PLOD1: variants seen among roughly 807,000 people sequenced by gnomAD.
PLOD1 encodes procollagen-lysine,2-oxoglutarate 5-dioxygenase 1, also known as lysine hydroxylase.
PLOD1 carries 70 observed loss-of-function variants against 94.7 expected under a neutral mutation model. The observed-to-expected ratio is 0.74, with a 90% CI of 0.61 to 0.90. The LOEUF (loss-of-function observed/expected upper bound fraction) is 0.90. PLOD1 is among the 40% of genes least tolerant of loss of function. The pLI is 0.00. For missense variants in PLOD1, 905 were observed against 972.7 expected (o/e 0.93, Z 0.93); for synonymous variants, 417 against 400.2 (o/e 1.04, Z -0.50).
Position 11,970,524 on chromosome 1 carries a change from A to C in PLOD1, c.1756-146A>C, listed in dbSNP as rs138924313. The C allele has an allele frequency of 1.4e-4, 111 of 774,742 alleles. No individual in the cohort carries two copies. The African/African-American group carries it at 1.5e-3, about 10-fold the overall frequency. The allele number at this position is 774,742 out of a possible 1,614,324, so 48.0% of individuals were successfully genotyped here. A position where few individuals can be genotyped will look rare whatever the true frequency, so the allele number is the denominator to read the frequency against. On this transcript the variant is annotated intron_variant, in intron 16 of 18. Transcript: ENST00000196061. ...TTGATTAACCCAAAGTCAACTGATT[A>C]GGAGCCTTAATTGTATCTGCAAAGC...
chr1:11,961,106 G>T (rs962323568), intron 10 of PLOD1, among the ~76,000 whole-genome samples: 27 of 152,014 alleles, frequency 1.8e-4, no homozygotes, highest in African/African-American at 5.6e-4. Context: ...AAAAAAGGCC[G>T]AGAGCAGTGG....
chr1:11,964,437 G>C, intron 12 of PLOD1, 137 bp downstream of exon 12: 1 of 1,031,454 alleles, frequency 9.7e-7, no homozygotes, highest in Non-Finnish European at 1.5e-6. Flanking sequence ...GAAGACTTCA[G>C]TTAGACACAC....
chr1:11,942,172 G>A (rs757060515), intron 1 of PLOD1, among the ~76,000 whole-genome samples: 8 of 151,934 alleles, frequency 5.3e-5, no homozygotes, highest in Non-Finnish European at 7.4e-5. Flanking sequence ...TAGTAGAGAC[G>A]GGGTTTCACC....
At chr1:11,970,130 A>G (rs937840861) in intron 16 of PLOD1, among the ~76,000 whole-genome samples, 22 of 151,954 alleles carry the variant, frequency 1.4e-4, no homozygotes, top group Non-Finnish European at 2.5e-4. Context: ...GCACGCCTGT[A>G]ATCCCAGCTA....
intron 1 of PLOD1, chr1:11,944,764 C>T: frequency 1.1e-6 from 1 of 896,854 alleles, no homozygotes; most frequent in Non-Finnish European, 1.5e-6. Context: ...CGCCTGGCGC[C>T]AGCCCTCTGC....
At chr1:11,974,628 G>A (rs752889014) in intron 18 of PLOD1, 25 bp from the exon 19 acceptor site, 4 of 1,608,036 alleles carry the variant, frequency 2.5e-6, no homozygotes, top group Non-Finnish European at 3.4e-6. Flanking sequence ...GTGGGGAAAG[G>A]CCACTGATGC....
At chr1:11,968,200 C>T (rs975905100) in intron 16 of PLOD1, among the ~76,000 whole-genome samples, 2 of 152,070 alleles carry the variant, frequency 1.3e-5, no homozygotes, top group Admixed American at 6.6e-5. Context: ...GTAAGCTACC[C>T]ACCTCGGCCT....
At chr1:11,969,268 C>T (rs543545935) in intron 16 of PLOD1, among the ~76,000 whole-genome samples, 1 of 152,094 alleles carries the variant, frequency 6.6e-6, no homozygotes, top group Admixed American at 6.6e-5. Context: ...GGATTACAGG[C>T]GTGAGCCACC....
At chr1:11,970,997 G>T in intron 17 of PLOD1, among the ~76,000 whole-genome samples, 181 bp downstream of exon 17, 1 of 29,236 alleles carries the variant, frequency 3.4e-5, no homozygotes, top group African/African-American at 2.0e-4. Flanking sequence ...ACTGAGGGGT[G>T]GGGATGGGGT....
At position 11,975,454 on chromosome 1, in the gene PLOD1, T is replaced by G. The variant is rs1645897238; in HGVS notation, c.*646T>G. 1 of 165,524 alleles carries G rather than the reference T, an allele frequency of 6.0e-6. No homozygotes were observed. The allele number at this position is 165,524 out of a possible 1,614,324, so 10.3% of individuals were successfully genotyped here. On this transcript the variant is annotated 3_prime_UTR_variant, in exon 19 of 19. Transcript: ENST00000196061. ...GGAGTGACAGGTCCACACACCACAC[T>G]GGGTCACCCTGTCCTGGATGCCTCT...
intron 17 of PLOD1, 111 bp downstream of exon 17, chr1:11,970,927 G>C (rs1490718855): frequency 1.4e-6 from 1 of 732,700 alleles, no homozygotes; most frequent in East Asian, 4.3e-5. Context: ...GGGAGGGGCC[G>C]AGGTGGAGTG....
At chr1:11,944,438 C>CAA in intron 1 of PLOD1, 1 of 796,940 alleles carries the variant, frequency 1.3e-6, no homozygotes, top group Non-Finnish European at 1.8e-6. Context: ...CACACACACA[C>CAA]ACACACACAC....
chr1:11,938,926 G>C (rs1352488679), intron 1 of PLOD1, among the ~76,000 whole-genome samples: 1 of 152,116 alleles, frequency 6.6e-6, no homozygotes, highest in African/African-American at 2.4e-5. Context: ...ACACAAGAAG[G>C]CTTCAACAAA....
At chr1:11,961,430 AG>A (rs1426593655) in intron 10 of PLOD1, among the ~76,000 whole-genome samples, 2 of 152,304 alleles carry the variant, frequency 1.3e-5, no homozygotes, top group East Asian at 1.9e-4. Flanking sequence ...TGTTGCTTGT[AG>A]AAGAGTCAGA....
chr1:11,953,893 G>T (rs770358707), intron 5 of PLOD1, among the ~76,000 whole-genome samples: 3 of 151,626 alleles, frequency 2.0e-5, no homozygotes, highest in African/African-American at 7.3e-5. Context: ...TTGAGACAGG[G>T]TCTCACTGTC....
chr1:11,955,979 C>A (rs887980393), intron 6 of PLOD1, among the ~76,000 whole-genome samples: 1 of 152,148 alleles, frequency 6.6e-6, no homozygotes, highest in African/African-American at 2.4e-5. Flanking sequence ...GCAGGCTTGT[C>A]TCAAACTCCT....
chr1:11,964,292 GC>G lies in PLOD1; in HGVS notation c.1321del (p.Arg441GlyfsTer16). 6.2e-7 allele frequency: 1 copy of G among 1,612,010 alleles called. No homozygotes were observed. The highest frequency in any genetic ancestry group is 1.7e-4 in the Middle Eastern group (1 of 6,024). ...SEDYVDIVQGRRVGVWNVPYI... is the reference protein window; with the variant it reads ...SEDYVDIVQGXRVGVWNVPYI... ...AGGACTACGTGGACATTGTGCAGGG[GC>G]GGCGTGTGTGAGTACCTGCAGGGTG... On this transcript the variant is annotated frameshift_variant, in exon 12 of 19. Coordinates refer to ENST00000196061, the MANE Select transcript of PLOD1 (RefSeq NM_000302.4). LOFTEE classifies it high-confidence loss of function.
At chr1:11,948,967 A>G (rs2336381) in intron 2 of PLOD1, among the ~76,000 whole-genome samples, 12,463 of 152,206 alleles carry the variant, frequency 0.082, 619 homozygotes, top group African/African-American at 0.13. Context: ...TAAGTCAGCA[A>G]GCAAGTGTAT....
At chr1:11,938,196 C>T (rs1645592974) in intron 1 of PLOD1, among the ~76,000 whole-genome samples, 1 of 151,982 alleles carries the variant, frequency 6.6e-6, no homozygotes, top group South Asian at 2.1e-4. Flanking sequence ...AGCGATTTGC[C>T]CACCTTGGCT....
Sources: allele counts gnomAD v4.1 joint callset (sites outside exome capture counted in the v4.1 genomes callset), GRCh38; gene constraint gnomAD v4.1.1; transcripts MANE v1.5; gene names NCBI Gene and HGNC (gene_info 2026-07-23, HGNC 2026-07-21).